CTTN: variants seen among roughly 807,000 people sequenced by gnomAD.
The protein encoded by CTTN is cortactin.
A neutral mutation model predicts 84.0 loss-of-function variants in CTTN; 28 were observed. The observed-to-expected ratio is 0.33, with a 90% CI of 0.25 to 0.46. The LOEUF is 0.46. Ranked by LOEUF, CTTN falls within the 20% of genes least tolerant of loss-of-function variation. The probability of loss-of-function intolerance (pLI) is 1.00; values close to 1 mark genes in which losing one functional copy is unlikely to be tolerated. For synonymous variants in CTTN, 301 were observed against 288.8 expected (o/e 1.04, Z -0.43); for missense variants, 641 against 723.8 (o/e 0.89, Z 1.31).
At chr11:70,432,948 G>A (rs1232250052) in intron 15 of CTTN, among the ~76,000 whole-genome samples, 153 bp from the exon 16 acceptor site, 1 of 152,216 alleles carries the variant, frequency 6.6e-6, no homozygotes, top group Non-Finnish European at 1.5e-5. Flanking sequence ...CACACCGGCA[G>A]GCCTGGCCTT....
chr11:70,428,935 G>T, intron 13 of CTTN, 116 bp from the exon 14 acceptor site: 1 of 1,288,982 alleles, frequency 7.8e-7, no homozygotes, highest in South Asian at 1.3e-5. Context: ...TTCCCTCCTT[G>T]GGGGTTAGGG....
chr11:70,416,878 CTTG>C (rs982140676), intron 7 of CTTN, 132 bp from the exon 8 acceptor site: 4 of 695,112 alleles, frequency 5.8e-6, no homozygotes, highest in Non-Finnish European at 1.1e-5. Context: ...CAGTGGGTGG[CTTG>C]TTGTACATTT....
chr11:70,423,138 T>C, intron 12 of CTTN, 143 bp downstream of exon 12: 1 of 1,021,344 alleles, frequency 9.8e-7, no homozygotes, highest in Middle Eastern at 2.7e-4. Flanking sequence ...TGGCGATGAC[T>C]GACTCGGACA....
intron 6 of CTTN, 148 bp from the exon 7 acceptor site, chr11:70,415,515 C>A: frequency 3.9e-6 from 3 of 762,364 alleles, no homozygotes; most frequent in Non-Finnish European, 6.9e-6. Flanking sequence ...TGCGTCACTG[C>A]CACCTGCACC....
At position 70,429,027 on chromosome 11, in the gene CTTN, ACGT is replaced by A. The variant is rs779909075; in HGVS notation, c.1028-22_1028-20del. ...AGTGTTTTTGCTGTGCTCAAGGCAC[ACGT>A]CCTCCCTCCTTCCTCTATAGTGACC... On this transcript the variant is annotated intron_variant, in intron 13 of 17. Transcript: ENST00000301843. 1.5e-5 allele frequency: 25 copies of A among 1,613,718 alleles called. No individual in the cohort carries two copies. In the East Asian group the frequency reaches 5.1e-4, roughly 33 times the overall value.
At position 70,435,278 on chromosome 11, in the gene CTTN, T is replaced by TTTTTA; in HGVS notation, c.*116_*117insTTTTA. 2.7e-6 allele frequency: 3 copies of TTTTTA among 1,113,738 alleles called. No individual in the cohort carries two copies. Among genetic ancestry groups the TTTTTA allele is most frequent in the Non-Finnish European group, 3.6e-6 (3 of 844,606 alleles). 69.0% of individuals were successfully genotyped at this position (1,113,738 alleles called of 1,614,324 possible). A position where few individuals can be genotyped will look rare whatever the true frequency, so the allele number is the denominator to read the frequency against. ...GTTTTTTTTTTTTTTTTTTTTTTTT[T>TTTTTA]GAAGGTGGGGAGGGGAATATACACA... On this transcript the variant is annotated 3_prime_UTR_variant, in exon 18 of 18. Coordinates refer to ENST00000301843, the MANE Select transcript of CTTN (RefSeq NM_005231.4).
rs557641038 is a variant in CTTN, at chr11:70,415,566, A to AT, written c.403-90dup. 7.2e-4 allele frequency: 827 copies of AT among 1,155,902 alleles called. 11 individuals carry two copies. In the African/African-American group the frequency reaches 0.01, roughly 15 times the overall value. 71.6% of individuals were successfully genotyped at this position (1,155,902 alleles called of 1,614,324 possible). On this transcript the variant is annotated intron_variant, in intron 6 of 17. Transcript: ENST00000301843. ...GAGGTCACAGCATCATGTGTTTCAT[A>AT]TTTTTTTAAATGTCATGTCATGAAT...
At chr11:70,403,282 G>C (rs531892112) in intron 1 of CTTN, among the ~76,000 whole-genome samples, 1 of 121,878 alleles carries the variant, frequency 8.2e-6, no homozygotes, top group Non-Finnish European at 1.6e-5. Flanking sequence ...TCTGTCTCCC[G>C]GGTTCAAGCA....
At chr11:70,421,618 C>T (rs765287511) in intron 11 of CTTN, 38 bp downstream of exon 11, 2 of 1,466,824 alleles carry the variant, frequency 1.4e-6, no homozygotes, top group South Asian at 2.3e-5. Flanking sequence ...CCCCCCGACC[C>T]TCCTGTGCGG....
chr11:70,423,223 C>T (rs1240113901), intron 12 of CTTN, among the ~76,000 whole-genome samples: 1 of 152,148 alleles, frequency 6.6e-6, no homozygotes, highest in Non-Finnish European at 1.5e-5. Context: ...GGCCCCAGGC[C>T]AGGCAGGCTC....
At chr11:70,400,656 G>A (rs193236039) in intron 1 of CTTN, among the ~76,000 whole-genome samples, 2 of 152,160 alleles carry the variant, frequency 1.3e-5, no homozygotes, top group Non-Finnish European at 2.9e-5. Context: ...ACACATAATC[G>A]GCAATTCAGA....
chr11:70,433,072 C>T (rs757653546), intron 15 of CTTN, 29 bp from the exon 16 acceptor site: 136 of 1,606,842 alleles, frequency 8.5e-5, no homozygotes, highest in Non-Finnish European at 1.1e-4. Flanking sequence ...GCATGGGCCC[C>T]GTGCCATGTG....
intron 1 of CTTN, among the ~76,000 whole-genome samples, chr11:70,402,359 A>T (rs1173896875): frequency 1.3e-5 from 2 of 152,216 alleles, no homozygotes; most frequent in Non-Finnish European, 2.9e-5. Context: ...ACGCCTGTGT[A>T]GTGTGTACTC....
At position 70,435,734 on chromosome 11, in the gene CTTN, C is replaced by T. The variant is rs764720796; in HGVS notation, c.*572C>T. On this transcript the variant is annotated 3_prime_UTR_variant, in exon 18 of 18. Coordinates refer to ENST00000301843, the MANE Select transcript of CTTN (RefSeq NM_005231.4). ...CTGCCTATGTCATACCGTGACAGCC[C>T]GCAGGATCAGGTGACTTCTAGCAGA... The T allele has an allele frequency of 3.1e-5, 50 of 1,597,696 alleles. No individual in the cohort carries two copies. Among genetic ancestry groups the T allele is most frequent in the Non-Finnish European group, 3.8e-5 (45 of 1,179,640 alleles).
At chr11:70,434,517 C>T (rs2058392999) in intron 17 of CTTN, among the ~76,000 whole-genome samples, 1 of 152,294 alleles carries the variant, frequency 6.6e-6, no homozygotes. Flanking sequence ...GTGCCTTTTG[C>T]ACACGTGCAT....
intron 8 of CTTN, among the ~76,000 whole-genome samples, chr11:70,417,648 A>G (rs1401813093): frequency 6.6e-6 from 1 of 151,798 alleles, no homozygotes; most frequent in Non-Finnish European, 1.5e-5. Flanking sequence ...AGCACACGCC[A>G]CCACGCCCAG....
chr11:70,434,903 C>CGCATCTCT (rs1565502429), intron 17 of CTTN, 123 bp from the exon 18 acceptor site: 3 of 1,033,110 alleles, frequency 2.9e-6, no homozygotes, highest in Non-Finnish European at 4.5e-6. Context: ...CGCGGTGGTC[C>CGCATCTCT]GCATCTCTGC....
At chr11:70,402,642 C>T (rs888787807) in intron 1 of CTTN, among the ~76,000 whole-genome samples, 1 of 152,210 alleles carries the variant, frequency 6.6e-6, no homozygotes, top group Admixed American at 6.5e-5. Flanking sequence ...GGTCCCTCCA[C>T]GCTGTAGCAG....
chr11:70,415,743 G>A (rs373452760), intron 7 of CTTN, 26 bp downstream of exon 7: 69 of 1,613,180 alleles, frequency 4.3e-5, no homozygotes, highest in Middle Eastern at 1.7e-4. Context: ...TGCAGAAAGA[G>A]CCCGCTCCGG....
Sources: allele counts gnomAD v4.1 joint callset (sites outside exome capture counted in the v4.1 genomes callset), GRCh38; gene constraint gnomAD v4.1.1; transcripts MANE v1.5; gene names NCBI Gene and HGNC (gene_info 2026-07-23, HGNC 2026-07-21).